The following ATP2B2 variants were observed in gnomAD, a reference collection of about 807,000 sequenced individuals.
The protein encoded by ATP2B2 is plasma membrane calcium-transporting ATPase 2.
A neutral mutation model predicts 120.0 loss-of-function variants in ATP2B2; 15 were observed. The observed-to-expected ratio is 0.12, with a 90% CI of 0.08 to 0.19. ATP2B2 has a LOEUF of 0.19. ATP2B2 is among the 10% of genes least tolerant of loss of function. The probability of loss-of-function intolerance (pLI) is 1.00; values close to 1 mark genes in which losing one functional copy is unlikely to be tolerated. For missense variants in ATP2B2, 1,045 were observed against 1,719.8 expected, an observed-to-expected ratio of 0.61 and a Z score of 6.94; for synonymous variants, 694 against 700.3, an observed-to-expected ratio of 0.99 and a Z score of 0.14.
intron 10 of ATP2B2, among the ~76,000 whole-genome samples, chr3:10,377,708 T>C (rs1223910445): frequency 6.6e-6 from 1 of 152,242 alleles, no homozygotes; most frequent in Non-Finnish European, 1.5e-5. Flanking sequence ...CTCTGCACTG[T>C]GGCCAGGGTG....
intron 2 of ATP2B2, among the ~76,000 whole-genome samples, chr3:10,428,732 A>G (rs892555610): frequency 6.6e-6 from 1 of 152,200 alleles, no homozygotes; most frequent in Non-Finnish European, 1.5e-5. Flanking sequence ...AGGACAGAGC[A>G]CTGTGTGAGG....
At chr3:10,450,145 T>C (rs2063984503) in intron 1 of ATP2B2, among the ~76,000 whole-genome samples, 1 of 152,122 alleles carries the variant, frequency 6.6e-6, no homozygotes, top group South Asian at 2.1e-4. Flanking sequence ...ACACTGTGTG[T>C]ACACACATCC....
At chr3:10,512,376 C>A (rs1314925378) in intron 3 of ATP2B2, among the ~76,000 whole-genome samples, 1 of 151,934 alleles carries the variant, frequency 6.6e-6, no homozygotes, top group Non-Finnish European at 1.5e-5. Flanking sequence ...TCCCAGGGGC[C>A]TGCATGTCCA....
intron 1 of ATP2B2, among the ~76,000 whole-genome samples, chr3:10,702,704 T>A (rs548627878): frequency 4.4e-4 from 67 of 152,216 alleles, no homozygotes; most frequent in Admixed American, 2.1e-3. Flanking sequence ...TCCCACTTTT[T>A]ATTTTTAAAT....
rs377485800 is a variant in ATP2B2 at position 10,647,112 on chromosome 3, A to G, written c.-459-27151T>C. Among the ~76,000 whole-genome samples the G allele has an allele frequency of 6.6e-5, 10 of 152,324 alleles. No individual in the cohort carries two copies. The East Asian group carries it at 1.7e-3, about 26-fold the overall frequency. ...GGGGAATGGGGGCAGCCCCTTCTGC[A>G]GTACAACGATTTGGGAAAGGAAAAG... On this transcript the variant is annotated intron_variant, in intron 1 of 21. Coordinates refer to the ATP2B2 transcript ENST00000646379.
intron 1 of ATP2B2, among the ~76,000 whole-genome samples, chr3:10,691,913 T>C (rs1559524101): frequency 6.6e-6 from 1 of 152,186 alleles, no homozygotes; most frequent in Non-Finnish European, 1.5e-5. Context: ...CTTTCCCACA[T>C]ATCTTGCTTC....
chr3:10,496,544 A>G (rs1343122004), intron 1 of ATP2B2, among the ~76,000 whole-genome samples: 1 of 152,000 alleles, frequency 6.6e-6, no homozygotes, highest in African/African-American at 2.4e-5. Context: ...ACGCTTGTTT[A>G]TCTCTTTCTC....
chr3:10,377,152 T>C (rs763129175), intron 10 of ATP2B2, among the ~76,000 whole-genome samples: 28 of 152,194 alleles, frequency 1.8e-4, no homozygotes, highest in Non-Finnish European at 4.1e-4. Flanking sequence ...GGGGTTGTTC[T>C]CATCGCTTCG....
chr3:10,408,804 A>G (rs1413479314), intron 3 of ATP2B2, among the ~76,000 whole-genome samples: 1 of 152,136 alleles, frequency 6.6e-6, no homozygotes, highest in African/African-American at 2.4e-5. Flanking sequence ...ACCACCTGCT[A>G]TCTGAGTTCT....
rs532914834 is a variant in ATP2B2, at chr3:10,438,693, C to G, written c.199+10652G>C. ...AGGAGGGCCTGTATAAATAACTTAC[C>G]CGCCCTGTCTGGGCCTCTCGGATGA... On this transcript the variant is annotated intron_variant, in intron 2 of 22. Coordinates refer to ENST00000360273, the MANE Select transcript of ATP2B2 (RefSeq NM_001001331.4). 2.0e-5 allele frequency among the ~76,000 whole-genome samples: 3 copies of G among 152,206 alleles called. No homozygotes were observed. In the East Asian group the frequency reaches 5.8e-4, roughly 29 times the overall value.
chr3:10,399,922 C>G (rs2062162759), intron 5 of ATP2B2, among the ~76,000 whole-genome samples: 1 of 152,234 alleles, frequency 6.6e-6, no homozygotes, highest in African/African-American at 2.4e-5. Context: ...GTGGGATTAG[C>G]TGTTGGTAGG....
At chr3:10,377,196 G>A (rs1559251453) in intron 10 of ATP2B2, among the ~76,000 whole-genome samples, 1 of 152,152 alleles carries the variant, frequency 6.6e-6, no homozygotes. Context: ...TTTCCATAGA[G>A]TCTTCTGCCT....
At chr3:10,645,165 C>T (rs1299051115) in intron 1 of ATP2B2, among the ~76,000 whole-genome samples, 1 of 152,026 alleles carries the variant, frequency 6.6e-6, no homozygotes, top group African/African-American at 2.4e-5. Flanking sequence ...AAAATGTCAA[C>T]CATAGGTGAA....
chr3:10,330,714 C>T (rs572556949), intron 22 of ATP2B2, among the ~76,000 whole-genome samples: 104 of 152,322 alleles, frequency 6.8e-4, no homozygotes, highest in South Asian at 4.1e-4. Flanking sequence ...GAGCTCTCAG[C>T]GGAACCCAGG....
At chr3:10,513,547 G>A (rs2066817788) in intron 3 of ATP2B2, among the ~76,000 whole-genome samples, 1 of 152,148 alleles carries the variant, frequency 6.6e-6, no homozygotes, top group Admixed American at 6.5e-5. Flanking sequence ...CATCTGCAAT[G>A]CGGCAGTGCA....
chr3:10,419,006 G>A (rs1347466227), intron 2 of ATP2B2, among the ~76,000 whole-genome samples: 3 of 152,234 alleles, frequency 2.0e-5, no homozygotes, highest in Non-Finnish European at 4.4e-5. Context: ...GGTAACCTCA[G>A]CCCTGGGTTC....
intron 1 of ATP2B2, among the ~76,000 whole-genome samples, chr3:10,668,941 G>A (rs1321575480): frequency 1.3e-5 from 2 of 152,232 alleles, no homozygotes; most frequent in African/African-American, 2.4e-5. Flanking sequence ...GAGCCGCACT[G>A]TTCTGTCCCC....
At chr3:10,508,288 T>G (rs1180658137), upstream of ATP2B2, among the ~76,000 whole-genome samples, 2 of 152,244 alleles carry the variant, frequency 1.3e-5, no homozygotes, top group African/African-American at 2.4e-5. Context: ...CTACTCATTC[T>G]TCGAAGTCCA....
intron 22 of ATP2B2, chr3:10,332,232 G>A (rs1034461946): frequency 2.3e-5 from 13 of 568,010 alleles, no homozygotes; most frequent in Middle Eastern, 9.5e-4. Context: ...CCTAGGAGTC[G>A]TCAGAACCAG....
Sources: gnomAD v4.1 joint callset for allele counts (sites outside exome capture counted in the v4.1 genomes callset) on GRCh38, gnomAD v4.1.1 for gene constraint, MANE v1.5 for transcripts, NCBI Gene and HGNC (gene_info 2026-07-23, HGNC 2026-07-21) for gene names.